CD226: variants seen among roughly 807,000 people sequenced by gnomAD.
CD226 encodes the protein CD226 antigen.
Under a neutral mutation model 34.9 loss-of-function variants are expected in CD226, and 24 were observed. The ratio of observed to expected loss-of-function variants is 0.69; its 90% CI spans 0.50 to 0.97. The LOEUF (loss-of-function observed/expected upper bound fraction) is 0.97, where lower values mean the gene tolerates loss of function less well. Ranked by LOEUF, CD226 falls within the 50% of genes least tolerant of loss-of-function variation. CD226 has a pLI of 0.00. For missense variants in CD226, 397 were observed against 412.7 expected (o/e 0.96, Z 0.33); for synonymous variants, 148 against 147.4 (o/e 1.00, Z -0.03).
chr18:69,951,140 A>C (rs2055850782), upstream of CD226, among the ~76,000 whole-genome samples: 1 of 151,786 alleles, frequency 6.6e-6, no homozygotes, highest in African/African-American at 2.4e-5. Flanking sequence ...ATTTTTTAAA[A>C]TTATTTTTTT....
intron 2 of CD226, among the ~76,000 whole-genome samples, chr18:69,907,069 C>A (rs575918937): frequency 1.1e-4 from 17 of 152,304 alleles, no homozygotes; most frequent in Middle Eastern, 3.4e-3. Context: ...CCTGACCAGG[C>A]AGCTTCCCTA....
rs564043368 is a variant in CD226 at position 69,946,834 on chromosome 18, G to A, written c.282C>T (p.Phe94=). 1.4e-5 allele frequency: 23 copies of A among 1,614,124 alleles called. No homozygotes were observed. The Admixed American group carries it at 3.3e-4, about 23-fold the overall frequency. Residue 94 remains phenylalanine, a synonymous_variant, in exon 2 of 6, where the codon TTC becomes TTT. Transcript: ENST00000582621. ...STMASNNMTL[F]FRNASEDDVG... is the part of the protein sequence containing the mutation. ...CATCATCTTCAGAGGCATTCCGAAAGAAAAGAGTCATGTTATTGGAAGCCA... is the reference window on the plus strand; with the variant it reads ...CATCATCTTCAGAGGCATTCCGAAAAAAAAGAGTCATGTTATTGGAAGCCA...
chr18:69,872,681 T>C (rs1033582098), intron 4 of CD226, among the ~76,000 whole-genome samples: 1 of 152,322 alleles, frequency 6.6e-6, no homozygotes, highest in African/African-American at 2.4e-5. Flanking sequence ...ATACAACTAT[T>C]TGAAATTATG....
chr18:69,864,733 A>G (rs1440685891), intron 5 of CD226, among the ~76,000 whole-genome samples: 1 of 152,218 alleles, frequency 6.6e-6, no homozygotes, highest in East Asian at 1.9e-4. Context: ...AACAATTACT[A>G]TCATTTTTAT....
At position 69,939,498 on chromosome 18, in the gene CD226, G is replaced by A. The variant is rs116231725; in HGVS notation, c.382+7236C>T. ...GTGAATAGACCTCAGTGTGCTTTTC[G>A]GTTCTACTGTTGATGGGTATTTGGG... On this transcript the variant is annotated intron_variant, in intron 2 of 5. Transcript: ENST00000582621. Among the ~76,000 whole-genome samples, 761 of 152,148 alleles carry A rather than the reference G, an allele frequency of 5.0e-3. 7 individuals are homozygous for A. Among genetic ancestry groups the A allele is most frequent in the African/African-American group, 0.017 (711 of 41,488 alleles).
At position 69,861,554 on chromosome 18, in the gene CD226, G is replaced by GTGTATATATATATATATATATATATATA. The variant is rs59216052; in HGVS notation, c.*2759_*2760insTATATATATATATATATATATATATACA. 1.3e-4 allele frequency: 17 copies of GTGTATATATATATATATATATATATATA among 127,948 alleles called. No homozygotes were observed. Among genetic ancestry groups the GTGTATATATATATATATATATATATATA allele is most frequent in the East Asian group, 4.8e-4 (2 of 4,202 alleles). The allele number at this position is 127,948 out of a possible 1,614,324, so 7.9% of individuals were successfully genotyped here. On this transcript the variant is annotated 3_prime_UTR_variant, in exon 6 of 6. Transcript: ENST00000582621. The stretch of plus-strand genomic sequence containing the variant: ...ATAAATTATATGTGTATATATATAT[G>GTGTATATATATATATATATATATATATA]TATATATATATATATATATGTAAAA...
chr18:69,869,393 T>A (rs890024750), intron 4 of CD226, among the ~76,000 whole-genome samples: 1 of 152,110 alleles, frequency 6.6e-6, no homozygotes, highest in African/African-American at 2.4e-5. Context: ...CTTAGCAAAC[T>A]CATGCAGGAA....
chr18:69,881,499 A>T (rs948906399), intron 3 of CD226, among the ~76,000 whole-genome samples: 6 of 152,348 alleles, frequency 3.9e-5, no homozygotes, highest in Middle Eastern at 3.4e-3. Context: ...CTGCATAATG[A>T]TGATAAAATT....
In CD226 at chr18:69,877,723, A is replaced by T. The variant is rs535417975; in HGVS notation, c.728-4477T>A. ...GTGAATTTTGAGCCAGGACCCGTGG[A>T]TGAAAACCTATAGATCTGCATATCC... On this transcript the variant is annotated intron_variant, in intron 3 of 5. Transcript: ENST00000582621. Among the ~76,000 whole-genome samples, 3 of 152,372 alleles carry T rather than the reference A, an allele frequency of 2.0e-5. No homozygotes were observed. The South Asian group carries it at 6.2e-4, about 32-fold the overall frequency.
chr18:69,947,497 C>T lies in CD226; in HGVS notation c.-91G>A. 1.3e-6 allele frequency: 1 copy of T among 761,286 alleles called. No individual in the cohort carries two copies. Among genetic ancestry groups the T allele is most frequent in the East Asian group, 2.7e-5 (1 of 37,634 alleles). 47.2% of individuals were successfully genotyped at this position (761,286 alleles called of 1,614,324 possible). On this transcript the variant is annotated 5_prime_UTR_variant, in exon 1 of 6. Coordinates refer to ENST00000582621, the MANE Select transcript of CD226 (RefSeq NM_001303618.2). The stretch of plus-strand genomic sequence containing the variant: ...CAGATCCCCAGCACAATGCAGTTTC[C>T]TTCCTCTCAGATGTTATCAGTCGTG...
chr18:69,860,586 A>G lies in CD226; in HGVS notation c.*3728T>C, dbSNP rs973538727. On this transcript the variant is annotated 3_prime_UTR_variant, in exon 6 of 6. Coordinates refer to ENST00000582621, the MANE Select transcript of CD226 (RefSeq NM_001303618.2). ...TTTTCTACCTATTGAATCACTAGAA[A>G]TAGAGAAGCTTTTAAAAAAATTAAC... The G allele has an allele frequency of 3.9e-5, 6 of 152,292 alleles. No homozygotes were observed. The highest frequency in any genetic ancestry group is 8.8e-5 in the Non-Finnish European group (6 of 68,006). The allele number at this position is 152,292 out of a possible 1,614,324, so 9.4% of individuals were successfully genotyped here.
In CD226 at chr18:69,871,742, C is replaced by T. The variant is rs78283214; in HGVS notation, c.830+1402G>A. Among the ~76,000 whole-genome samples, 747 of 152,140 alleles carry T rather than the reference C, an allele frequency of 4.9e-3. 3 individuals are homozygous for T. The highest frequency in any genetic ancestry group is 0.017 in the African/African-American group (715 of 41,498). On this transcript the variant is annotated intron_variant, in intron 4 of 5. Transcript: ENST00000582621. Reference sequence around the variant, plus strand: ...AGTTTCCACAAAATTTATCAACATCCGGGAGATTAAATAAAGTAGAAAGTA... The same window carrying T: ...AGTTTCCACAAAATTTATCAACATCTGGGAGATTAAATAAAGTAGAAAGTA...
intron 2 of CD226, among the ~76,000 whole-genome samples, chr18:69,924,825 T>C (rs2055502146): frequency 6.6e-6 from 1 of 151,142 alleles, no homozygotes. Context: ...TGCTGAGAAG[T>C]TTTTCAGCAC....
intron 1 of CD226, among the ~76,000 whole-genome samples, chr18:69,952,944 C>G (rs530558731): frequency 6.6e-6 from 1 of 152,296 alleles, no homozygotes; most frequent in African/African-American, 2.4e-5. Flanking sequence ...CTTGAATAGA[C>G]ATTTTTCTCC....
At chr18:69,893,482 C>A (rs929920270) in intron 3 of CD226, among the ~76,000 whole-genome samples, 1 of 152,192 alleles carries the variant, frequency 6.6e-6, no homozygotes, top group Non-Finnish European at 1.5e-5. Flanking sequence ...ACTTTTTCAG[C>A]ATATAATGGG....
At chr18:69,872,979 C>T (rs1378127380) in intron 4 of CD226, among the ~76,000 whole-genome samples, 165 bp downstream of exon 4, 1 of 152,164 alleles carries the variant, frequency 6.6e-6, no homozygotes, top group Non-Finnish European at 1.5e-5. Flanking sequence ...TGAACTATTC[C>T]AGCTCTCCCT....
chr18:69,868,158 G>T (rs989738086), intron 4 of CD226, among the ~76,000 whole-genome samples: 1 of 152,148 alleles, frequency 6.6e-6, no homozygotes, highest in African/African-American at 2.4e-5. Flanking sequence ...CAGAGAAGAA[G>T]AAAAGAGGCT....
At chr18:69,873,010 TCTC>T (rs1211428702) in intron 4 of CD226, 131 bp downstream of exon 4, 5 of 625,904 alleles carry the variant, frequency 8.0e-6, no homozygotes, top group South Asian at 6.9e-5. Context: ...CACAGCTACT[TCTC>T]CTCCTTTGTG....
At chr18:69,898,079 A>G (rs932755430) in intron 2 of CD226, among the ~76,000 whole-genome samples, 1 of 152,234 alleles carries the variant, frequency 6.6e-6, no homozygotes, top group East Asian at 1.9e-4. Flanking sequence ...AGCTTAAAAG[A>G]AACAAAAGGA....
Sources: allele counts gnomAD v4.1 joint callset (sites outside exome capture counted in the v4.1 genomes callset), GRCh38; gene constraint gnomAD v4.1.1; transcripts MANE v1.5; gene names NCBI Gene and HGNC (gene_info 2026-07-23, HGNC 2026-07-21).